Variants in ERBB4 observed in about 807,000 individuals in gnomAD.
The protein encoded by ERBB4 is receptor tyrosine-protein kinase erbB-4.
Under a neutral mutation model 158.0 loss-of-function variants are expected in ERBB4, and 42 were observed. That is an observed-to-expected ratio of 0.27 (90% CI 0.21 to 0.34). The LOEUF is 0.34. Among genes scored for constraint, ERBB4 ranks in the 10% least tolerant of loss-of-function variants. ERBB4 has a pLI of 1.00. For synonymous variants in ERBB4, 583 were observed against 558.7 expected (o/e 1.04, Z -0.61); for missense variants, 1,333 against 1,624.1 (o/e 0.82, Z 3.08).
At chr2:211,773,633 T>TATATATATAATATATATATATATATATA (rs1553630519) in intron 4 of ERBB4, among the ~76,000 whole-genome samples, 3 of 102,852 alleles carry the variant, frequency 2.9e-5, no homozygotes, top group African/African-American at 1.4e-4. Flanking sequence ...TATATATATA[T>TATATATATAATATATATATATATATATA]ATATATATAT....
intron 3 of ERBB4, among the ~76,000 whole-genome samples, chr2:211,945,146 T>C (rs2080646423): frequency 6.6e-6 from 1 of 152,182 alleles, no homozygotes; most frequent in African/African-American, 2.4e-5. Context: ...TCGGGTTACC[T>C]AGAACATTTA....
At chr2:211,918,023 G>A (rs979281644) in intron 3 of ERBB4, among the ~76,000 whole-genome samples, 10 of 152,120 alleles carry the variant, frequency 6.6e-5, no homozygotes, top group Non-Finnish European at 1.3e-4. Flanking sequence ...ATTTTTAAGG[G>A]ACCAACCTGA....
At chr2:211,705,889 T>C (rs1455153057) in intron 9 of ERBB4, among the ~76,000 whole-genome samples, 1 of 152,186 alleles carries the variant, frequency 6.6e-6, no homozygotes, top group Non-Finnish European at 1.5e-5. Context: ...TCTACATTTA[T>C]CTACTTGTGA....
chr2:212,378,753 G>A (rs534137667), intron 1 of ERBB4, among the ~76,000 whole-genome samples: 1 of 151,722 alleles, frequency 6.6e-6, no homozygotes, highest in Admixed American at 6.6e-5. Flanking sequence ...CTAACACATG[G>A]TCTACACCAG....
intron 14 of ERBB4, 75 bp downstream of exon 14, chr2:211,673,088 TA>T: frequency 8.7e-7 from 1 of 1,147,228 alleles, no homozygotes; most frequent in South Asian, 1.2e-5. Context: ...AATGGATGAA[TA>T]AATGATAAAA....
In ERBB4 at chr2:211,843,615, T is replaced by C. The variant is rs558524994; in HGVS notation, c.422-55456A>G. 1.1e-3 allele frequency among the ~76,000 whole-genome samples: 163 copies of C among 152,048 alleles called. 4 individuals carry two copies. Among genetic ancestry groups the C allele is most frequent in the Non-Finnish European group, 2.0e-3 (138 of 67,984 alleles). On this transcript the variant is annotated intron_variant, in intron 3 of 27. Coordinates refer to ENST00000342788, the MANE Select transcript of ERBB4 (RefSeq NM_005235.3). ...GGCAGCAAAGGAGATTTTAAAAATG[T>C]TTTTCTAGACATCCTTAAGCTAGTT...
chr2:212,228,733 G>C (rs968939952), intron 1 of ERBB4, among the ~76,000 whole-genome samples: 1 of 152,162 alleles, frequency 6.6e-6, no homozygotes, highest in East Asian at 1.9e-4. Context: ...GTGTGTGTCC[G>C]TATAGCACCA....
chr2:212,007,602 T>C (rs1365283694), intron 2 of ERBB4, among the ~76,000 whole-genome samples: 1 of 151,960 alleles, frequency 6.6e-6, no homozygotes, highest in African/African-American at 2.4e-5. Flanking sequence ...TCCTATCTGC[T>C]AATGTTTTTA....
intron 1 of ERBB4, among the ~76,000 whole-genome samples, chr2:212,352,692 ACCC>A (rs2089303043): frequency 6.6e-6 from 1 of 151,868 alleles, no homozygotes; most frequent in Non-Finnish European, 1.5e-5. Flanking sequence ...ACATGGTGAA[ACCC>A]CATCTCTACT....
intron 20 of ERBB4, among the ~76,000 whole-genome samples, chr2:211,529,631 T>G (rs2066442068): frequency 6.6e-6 from 1 of 152,074 alleles, no homozygotes; most frequent in African/African-American, 2.4e-5. Context: ...CAACAACATA[T>G]TGGAAAGATA....
intron 2 of ERBB4, among the ~76,000 whole-genome samples, chr2:212,052,967 C>A (rs1232765118): frequency 6.6e-6 from 1 of 152,178 alleles, no homozygotes; most frequent in Admixed American, 6.5e-5. Flanking sequence ...CTTCCTGTGC[C>A]AGTAGCAACG....
intron 1 of ERBB4, among the ~76,000 whole-genome samples, chr2:212,362,638 T>C (rs1198814323): frequency 1.3e-5 from 2 of 151,022 alleles, no homozygotes; most frequent in Non-Finnish European, 3.0e-5. Context: ...TAAATTGCCA[T>C]ATTTCAGAAT....
chr2:212,413,476 C>A (rs1222794700), intron 1 of ERBB4, among the ~76,000 whole-genome samples: 1 of 151,878 alleles, frequency 6.6e-6, no homozygotes, highest in East Asian at 1.9e-4. Flanking sequence ...ATTGGATAAG[C>A]CATTTTTAAC....
At chr2:211,539,945 T>C (rs2066754070) in intron 20 of ERBB4, among the ~76,000 whole-genome samples, 1 of 152,000 alleles carries the variant, frequency 6.6e-6, no homozygotes, top group Admixed American at 6.6e-5. Context: ...ATGTTATTTT[T>C]CAAGATAATG....
At chr2:211,913,279 G>A (rs996846304) in intron 3 of ERBB4, among the ~76,000 whole-genome samples, 6 of 152,024 alleles carry the variant, frequency 3.9e-5, no homozygotes, top group Non-Finnish European at 7.4e-5. Context: ...GGCCTTTTGA[G>A]GACAATTTGT....
At chr2:211,403,512 C>A (rs2063086860) in intron 25 of ERBB4, among the ~76,000 whole-genome samples, 1 of 152,008 alleles carries the variant, frequency 6.6e-6, no homozygotes, top group African/African-American at 2.4e-5. Context: ...TGGCTTGGTC[C>A]CAAAACCTTT....
At chr2:211,734,649 G>A (rs1216244104) in intron 5 of ERBB4, among the ~76,000 whole-genome samples, 6 of 147,056 alleles carry the variant, frequency 4.1e-5, no homozygotes, top group Non-Finnish European at 5.9e-5. Context: ...AGCTGGGCGC[G>A]GTGGCTCACG....
chr2:212,335,749 G>A (rs1031918474), intron 1 of ERBB4, among the ~76,000 whole-genome samples: 8 of 151,968 alleles, frequency 5.3e-5, no homozygotes, highest in Non-Finnish European at 1.0e-4. Context: ...TGAAATTCAC[G>A]AGTGGAAGGA....
chr2:211,748,799 T>TA (rs2075045370), intron 5 of ERBB4, among the ~76,000 whole-genome samples: 1 of 152,244 alleles, frequency 6.6e-6, no homozygotes, highest in South Asian at 2.1e-4. Context: ...AGTGGATATC[T>TA]AGCACTTTCA....
Sources: allele counts gnomAD v4.1 joint callset (sites outside exome capture counted in the v4.1 genomes callset), GRCh38; gene constraint gnomAD v4.1.1; transcripts MANE v1.5; gene names NCBI Gene and HGNC (gene_info 2026-07-23, HGNC 2026-07-21).